Variants in PRC1 observed in about 807,000 individuals in gnomAD.
PRC1 encodes the protein anaphase spindle elongation 1 homolog.
A neutral mutation model predicts 91.2 loss-of-function variants in PRC1; 54 were observed. The ratio of observed to expected loss-of-function variants is 0.59; its 90% confidence interval spans 0.48 to 0.74. The LOEUF (loss-of-function observed/expected upper bound fraction) is 0.74, where lower values mean the gene tolerates loss of function less well. Among genes scored for constraint, PRC1 ranks in the 30% least tolerant of loss-of-function variants. The pLI is 0.00. For synonymous variants in PRC1, 275 were observed against 263.6 expected (o/e 1.04, Z -0.42); for missense variants, 727 against 746.2 (o/e 0.97, Z 0.30).
intron 14 of PRC1, chr15:90,968,709 C>T (rs1018661225): frequency 9.1e-7 from 1 of 1,098,716 alleles, no homozygotes; most frequent in Non-Finnish European, 1.1e-6. Context: ...GCACACAGGC[C>T]AAGAGCCTCA....
Position 90,980,981 on chromosome 15 carries a change from T to C in PRC1, c.725A>G (p.Gln242Arg), listed in dbSNP as rs2039148534. The change falls in exon 6 of 15, where the codon CAA becomes CGA. Residue 242 changes from glutamine (Q) to arginine (R), a missense_variant. Coordinates refer to ENST00000394249, the MANE Select transcript of PRC1 (RefSeq NM_003981.4). Reference protein sequence around the residue: ...NEAVCEGLRTQIRELWDRLQI... With the variant: ...NEAVCEGLRTRIRELWDRLQI... ...CAACCTGTCCCAGAGCTCTCGGATT[T>C]GAGTACGCAGCCCCTCACACACTGC... The C allele has an allele frequency of 6.2e-7, 1 of 1,614,120 alleles. No individual in the cohort carries two copies. Among genetic ancestry groups the C allele is most frequent in the South Asian group, 1.1e-5 (1 of 91,094 alleles).
intron 3 of PRC1, 172 bp from the exon 4 acceptor site, chr15:90,982,153 G>A: frequency 1.6e-6 from 1 of 626,346 alleles, no homozygotes; most frequent in Admixed American, 3.0e-5. Context: ...AGGTCCCAGT[G>A]AGGAAAAGTG....
chr15:90,970,598 CTA>C, intron 11 of PRC1, 84 bp from the exon 12 acceptor site: 4 of 950,126 alleles, frequency 4.2e-6, no homozygotes, highest in Non-Finnish European at 6.3e-6. Context: ...AGAGAAATGA[CTA>C]TGGGAGGAGG....
intron 8 of PRC1, among the ~76,000 whole-genome samples, chr15:90,978,364 T>C (rs964367581): frequency 6.6e-6 from 1 of 152,180 alleles, no homozygotes; most frequent in Admixed American, 6.5e-5. Flanking sequence ...TGACAGAGCA[T>C]GTGAGCCACG....
intron 7 of PRC1, 129 bp from the exon 8 acceptor site, chr15:90,979,423 G>T: frequency 9.5e-7 from 1 of 1,049,936 alleles, no homozygotes; most frequent in Non-Finnish European, 1.4e-6. Context: ...GAAGAGGCGT[G>T]TGTGTGTGTG....
In PRC1 at chr15:90,981,990, G is replaced by C; in HGVS notation, c.268-9C>G. ...GTCGTCTCTCCTTCTTCCTGAATAAGACAACGTACCACTGTTATAAGATTC... is the reference window on the plus strand; with the variant it reads ...GTCGTCTCTCCTTCTTCCTGAATAACACAACGTACCACTGTTATAAGATTC... On this transcript the variant is annotated splice_polypyrimidine_tract_variant and intron_variant, in intron 3 of 14. Coordinates refer to ENST00000394249, the MANE Select transcript of PRC1 (RefSeq NM_003981.4). 6.2e-7 allele frequency: 1 copy of C among 1,607,876 alleles called. No homozygotes were observed.
chr15:90,986,085 T>C (rs144063991), intron 1 of PRC1: 5 of 152,346 alleles, frequency 3.3e-5, no homozygotes, highest in African/African-American at 1.2e-4. Flanking sequence ...AGAACTTTCA[T>C]ATGCTGCTGG....
At chr15:90,988,011 G>T (rs570187336) in intron 1 of PRC1, 12 of 151,974 alleles carry the variant, frequency 7.9e-5, no homozygotes, top group Non-Finnish European at 1.6e-4. Flanking sequence ...ACGTTTAAAA[G>T]AATTTACGGT....
intron 7 of PRC1, 55 bp downstream of exon 7, chr15:90,980,187 C>T: frequency 1.3e-6 from 2 of 1,485,628 alleles, no homozygotes; most frequent in East Asian, 4.9e-5. Context: ...GGCTGGGCAA[C>T]AGAGTAAGAC....
chr15:90,978,753 C>CAAAAAAA lies in PRC1; in HGVS notation c.1107+398_1107+404dup, dbSNP rs869065052. ...GGGCAACAAGAGCGAAACTCCACCTCAAAAAAAAAAAAAAAAAAAAAAAAA... is the reference window on the plus strand; with the variant it reads ...GGGCAACAAGAGCGAAACTCCACCTCAAAAAAAAAAAAAAAAAAAAAAAAAAAAAAAA... On this transcript the variant is annotated intron_variant, in intron 8 of 14. Transcript: ENST00000394249. Among the ~76,000 whole-genome samples the CAAAAAAA allele has an allele frequency of 2.1e-3, 82 of 39,692 alleles. 4 individuals carry two copies. Among genetic ancestry groups the CAAAAAAA allele is most frequent in the African/African-American group, 4.3e-3 (43 of 9,922 alleles). 26.0% of individuals were successfully genotyped at this position (39,692 alleles called of 152,430 possible).
Position 90,985,221 on chromosome 15 carries a change from G to GT in PRC1, c.12-397dup, listed in dbSNP as rs11357808. ...GGCAATTTATTACTATTTTTTTGGT[G>GT]TTTTTTTTTTGTTTTTTCTTTTTTT... is the stretch of plus-strand genomic sequence containing the variant. On this transcript the variant is annotated intron_variant, in intron 1 of 14. Coordinates refer to ENST00000394249, the MANE Select transcript of PRC1 (RefSeq NM_003981.4). 7.4e-3 allele frequency among the ~76,000 whole-genome samples: 1,098 copies of GT among 148,138 alleles called. 10 individuals carry two copies. Among genetic ancestry groups the GT allele is most frequent in the African/African-American group, 0.021 (847 of 40,650 alleles).
chr15:90,974,157 A>G lies in PRC1; in HGVS notation c.1440T>C (p.Asn480=), dbSNP rs761419673. 4 of 1,613,826 alleles carry G rather than the reference A, an allele frequency of 2.5e-6. No individual in the cohort carries two copies. Among genetic ancestry groups the G allele is most frequent in the Admixed American group, 1.7e-5 (1 of 60,000 alleles). The change falls in exon 11 of 15, where the codon AAT becomes AAC. Residue 480 remains asparagine (N), a synonymous_variant. Coordinates refer to ENST00000394249, the MANE Select transcript of PRC1 (RefSeq NM_003981.4). This position sits in a 1 kb window ranked among gnomAD's most constrained non-coding sequence, Gnocchi z 4.6. ...TPSKRRGLAP[N]TPGKARKLNT... is the part of the protein sequence containing the mutation. The stretch of plus-strand genomic sequence containing the variant: ...TTACCTTACGTGCTTTGCCCGGTGT[A>G]TTGGGAGCCAGTCCTCGCCGCTTGC...
chr15:90,977,606 CAG>C (rs1248666079), intron 8 of PRC1, among the ~76,000 whole-genome samples: 2 of 111,518 alleles, frequency 1.8e-5, no homozygotes, highest in East Asian at 3.3e-4. Flanking sequence ...TTTTCTGAGA[CAG>C]AGTCTCGCTC....
Position 90,973,252 on chromosome 15 carries a change from CAT to C in PRC1, c.1461+882_1461+883del, listed in dbSNP as rs575300829. The C allele has an allele frequency of 2.9e-3, 440 of 152,490 alleles. 1 individual carries two copies. The highest frequency in any genetic ancestry group is 6.8e-3 in the Middle Eastern group (2 of 294). 9.4% of individuals were successfully genotyped at this position (152,490 alleles called of 1,614,324 possible). A position where few individuals can be genotyped will look rare whatever the true frequency, so the allele number is the denominator to read the frequency against. On this transcript the variant is annotated intron_variant, in intron 11 of 14. Transcript: ENST00000394249. Reference sequence around the variant, plus strand: ...AGCCCCAACCCTGTGCTCACAGAAACATGTGCTGTATGGAATCAAGGTTCAAG... The same window carrying C: ...AGCCCCAACCCTGTGCTCACAGAAACGTGCTGTATGGAATCAAGGTTCAAG...
intron 6 of PRC1, 86 bp from the exon 7 acceptor site, chr15:90,980,475 T>G: frequency 1.4e-6 from 2 of 1,419,668 alleles, no homozygotes; most frequent in Non-Finnish European, 1.9e-6. Context: ...TTAAGTAAAA[T>G]TATAATGCAA....
chr15:90,977,167 TTTAACTTTTCTTTTTG>T (rs1350654339), intron 8 of PRC1: 6 of 152,856 alleles, frequency 3.9e-5, no homozygotes, highest in African/African-American at 1.2e-4. Context: ...TCTCATTCTT[TTTAACTTTTCTTTTTG>T]TTAACTTTTC....
chr15:90,993,183 C>T (rs1004771684), intron 1 of PRC1, among the ~76,000 whole-genome samples: 4 of 149,336 alleles, frequency 2.7e-5, no homozygotes, highest in African/African-American at 7.4e-5. Flanking sequence ...AGAGGAGATG[C>T]CTACATAATT....
At chr15:90,968,443 T>C in intron 14 of PRC1, 1 of 985,900 alleles carries the variant, frequency 1.0e-6, no homozygotes, top group Non-Finnish European at 1.2e-6. Flanking sequence ...TCCTCTCCTC[T>C]TGCTAGTAAA....
chr15:90,966,319 T>C lies in PRC1; in HGVS notation c.*812A>G, dbSNP rs1302302025. On this transcript the variant is annotated 3_prime_UTR_variant, in exon 15 of 15. Transcript: ENST00000394249. Reference sequence around the variant, plus strand: ...CAGGAACACCTCCCCAGTAGTGACATGTGCAAAGTTCCAGATCTCCACGAC... The same window carrying C: ...CAGGAACACCTCCCCAGTAGTGACACGTGCAAAGTTCCAGATCTCCACGAC... The C allele has an allele frequency of 7.2e-6, 2 of 278,762 alleles. No individual in the cohort carries two copies. Among genetic ancestry groups the C allele is most frequent in the East Asian group, 1.9e-4 (2 of 10,448 alleles). The allele number at this position is 278,762 out of a possible 1,614,324, so 17.3% of individuals were successfully genotyped here. A position where few individuals can be genotyped will look rare whatever the true frequency, so the allele number is the denominator to read the frequency against.
Sources: gnomAD v4.1 joint callset for allele counts (sites outside exome capture counted in the v4.1 genomes callset) on GRCh38, gnomAD v4.1.1 for gene constraint, Gnocchi (gnomAD v3.1) non-coding constraint, MANE v1.5 for transcripts, NCBI Gene and HGNC (gene_info 2026-07-23, HGNC 2026-07-21) for gene names.